The following SIGLEC8 variants were observed in gnomAD, a reference collection of about 807,000 sequenced individuals.
The protein encoded by SIGLEC8 is sialic acid-binding Ig-like lectin 8.
A neutral mutation model predicts 42.1 loss-of-function variants in SIGLEC8; 32 were observed. The ratio of observed to expected loss-of-function variants is 0.76; its 90% CI spans 0.57 to 1.02. The LOEUF (loss-of-function observed/expected upper bound fraction) is 1.02, where lower values mean the gene tolerates loss of function less well. Ranked by LOEUF, SIGLEC8 falls within the 50% of genes least tolerant of loss-of-function variation. The pLI is 0.00. For missense variants in SIGLEC8, 611 were observed against 610.2 expected, an observed-to-expected ratio of 1.00 and a Z score of -0.01; for synonymous variants, 262 against 260.3, an observed-to-expected ratio of 1.01 and a Z score of -0.06.
In SIGLEC8 at chr19:51,457,275, G is replaced by C. The variant is rs1274244390; in HGVS notation, c.734-44C>G. 3.2e-6 allele frequency: 5 copies of C among 1,584,296 alleles called. No individual in the cohort carries two copies. In the East Asian group the frequency reaches 6.7e-5, roughly 21 times the overall value. The stretch of plus-strand genomic sequence containing the variant: ...AAGACCCACATTACTATAAGGACTG[G>C]GGACATTGGCCCTGTCTTCCCAGGA... On this transcript the variant is annotated intron_variant, in intron 2 of 6. Coordinates refer to ENST00000321424, the MANE Select transcript of SIGLEC8 (RefSeq NM_014442.3).
At chr19:51,452,802 T>C (rs1989397573) in intron 6 of SIGLEC8, among the ~76,000 whole-genome samples, 169 bp from the exon 7 acceptor site, 2 of 152,200 alleles carry the variant, frequency 1.3e-5, no homozygotes, top group Admixed American at 1.3e-4. Context: ...TGAGCACCTG[T>C]TTGGTGTTTA....
chr19:51,458,063 G>A lies in SIGLEC8; in HGVS notation c.325C>T (p.Leu109=), dbSNP rs1358185389. The A allele has an allele frequency of 1.9e-6, 3 of 1,614,176 alleles. No individual in the cohort carries two copies. The Admixed American group carries it at 5.0e-5, about 27-fold the overall frequency. ...LGDIWSNDCS[L]SIRDARKRDK... ...CTCTTCCTGGCGTCTCTGATGCTCA[G>A]GGAGCAGTCGTTGCTCCAAATGTCC... Residue 109 remains leucine (L), a synonymous_variant, in exon 1 of 7, where the codon CTG becomes TTG. Transcript: ENST00000321424.
At position 51,458,317 on chromosome 19, in the gene SIGLEC8, C is replaced by A; in HGVS notation, c.71G>T (p.Gly24Val). ...TKGMEGDRQY[G>V]DGYLLQVQEL... ...CTGCACTTGCAGCAAGTAACCATCC[C>A]CATATTGTCTGTCTCCCTCCATCCC... The change falls in exon 1 of 7, where the codon GGG becomes GTG. Residue 24 changes from glycine (G) to valine (V), a missense_variant. Transcript: ENST00000321424. 2 of 1,614,124 alleles carry A rather than the reference C, an allele frequency of 1.2e-6. No homozygotes were observed. Among genetic ancestry groups the A allele is most frequent in the East Asian group, 4.5e-5 (2 of 44,882 alleles).
intron 1 of SIGLEC8, 90 bp from the exon 2 acceptor site, chr19:51,457,829 G>C: frequency 1.3e-6 from 2 of 1,547,196 alleles, no homozygotes; most frequent in Non-Finnish European, 1.8e-6. Context: ...CCTCCCCGGA[G>C]ACCGACTTAT....
At position 51,454,273 on chromosome 19, in the gene SIGLEC8, G is replaced by T; in HGVS notation, c.1191C>A (p.Gly397=). 6.2e-7 allele frequency: 1 copy of T among 1,613,966 alleles called. No homozygotes were observed. The highest frequency in any genetic ancestry group is 1.1e-5 in the South Asian group (1 of 91,070). ...CRKKSARPAA[G]VGDTGMEDAK... is the part of the protein sequence containing the mutation. Reference sequence around the variant, plus strand: ...CATCTTCCATGCCTGTATCCCCCACGCCCGCTGCTGGCCTTGCCGATTTCT... The same window carrying T: ...CATCTTCCATGCCTGTATCCCCCACTCCCGCTGCTGGCCTTGCCGATTTCT... The change falls in exon 6 of 7, where the codon GGC becomes GGA. Residue 397 remains glycine (G), a synonymous_variant. Coordinates refer to ENST00000321424, the MANE Select transcript of SIGLEC8 (RefSeq NM_014442.3). This position sits in a 1 kb window ranked among gnomAD's most constrained non-coding sequence, Gnocchi z 4.7.
Position 51,457,487 on chromosome 19 carries a change from G to A in SIGLEC8, c.707C>T (p.Thr236Ile), listed in dbSNP as rs779904630. Residue 236 changes from threonine to isoleucine, a missense_variant, in exon 2 of 7, where the codon ACC becomes ATC. Transcript: ENST00000321424. ...GGACACATCGAGGCGGACGGTACTG[G>A]TCGTGGTCACACCTGTCCCAGGCAA... ...VTLPGTGVTT[T>I]STVRLDVSYP... 11 of 1,613,696 alleles carry A rather than the reference G, an allele frequency of 6.8e-6. No individual in the cohort carries two copies. In the South Asian group the frequency reaches 9.9e-5, roughly 14 times the overall value.
Position 51,454,587 on chromosome 19 carries a change from G to A in SIGLEC8, c.1148+97C>T. 2 of 1,177,870 alleles carry A rather than the reference G, an allele frequency of 1.7e-6. No homozygotes were observed. Among genetic ancestry groups the A allele is most frequent in the Non-Finnish European group, 2.5e-6 (2 of 793,862 alleles). The allele number at this position is 1,177,870 out of a possible 1,614,324, so 73.0% of individuals were successfully genotyped here. On this transcript the variant is annotated intron_variant, in intron 5 of 6. Coordinates refer to ENST00000321424, the MANE Select transcript of SIGLEC8 (RefSeq NM_014442.3). The surrounding 1 kb of genome is among the most constrained non-coding windows in gnomAD (Gnocchi z 4.7). ...TGAGCTCATTCTTGCCCCAAGCCCT[G>A]GACCCATCCAGGTCCTTCCAGCTCT...
In SIGLEC8 at chr19:51,458,073, G is replaced by A. The variant is rs768285915; in HGVS notation, c.315C>T (p.Asn105=). The change falls in exon 1 of 7, where the codon AAC becomes AAT. Residue 105 remains asparagine, a synonymous_variant. Transcript: ENST00000321424. ...RFQLLGDIWS[N]DCSLSIRDAR... is the part of the protein sequence containing the mutation. ...CGTCTCTGATGCTCAGGGAGCAGTC[G>A]TTGCTCCAAATGTCCCCAAGGAGTT... 11 of 1,614,140 alleles carry A rather than the reference G, an allele frequency of 6.8e-6. No homozygotes were observed. The highest frequency in any genetic ancestry group is 1.7e-5 in the Admixed American group (1 of 60,020).
intron 6 of SIGLEC8, chr19:51,453,766 TGA>T: frequency 1.0e-6 from 1 of 984,444 alleles, no homozygotes; most frequent in Non-Finnish European, 1.2e-6. Flanking sequence ...CGAGAGTAAA[TGA>T]GAGAGAATTA....
In SIGLEC8 at chr19:51,457,073, G is replaced by C. The variant is rs781604918; in HGVS notation, c.781+111C>G. The C allele has an allele frequency of 9.1e-6, 9 of 991,828 alleles. No individual in the cohort carries two copies. The East Asian group carries it at 2.2e-4, about 24-fold the overall frequency. The allele number at this position is 991,828 out of a possible 1,614,324, so 61.4% of individuals were successfully genotyped here. A position where few individuals can be genotyped will look rare whatever the true frequency, so the allele number is the denominator to read the frequency against. On this transcript the variant is annotated intron_variant, in intron 3 of 6. Coordinates refer to ENST00000321424, the MANE Select transcript of SIGLEC8 (RefSeq NM_014442.3). ...GTGGGCTCTTGTGCCCTGGGCTCAC[G>C]CACAGTGGCAGCTCTGTTTCCCAAA...
At position 51,455,551 on chromosome 19, in the gene SIGLEC8, C is replaced by A; in HGVS notation, c.918G>T (p.Arg306=). The change falls in exon 4 of 7, where the codon CGG becomes CGT. Residue 306 remains arginine, a synonymous_variant. Coordinates refer to ENST00000321424, the MANE Select transcript of SIGLEC8 (RefSeq NM_014442.3). ...GCTCCAGCAGCCCAGGGTTTGAGGA[C>A]CGTGAGGGGCACAGGGTCAGGCTCC... ...TRGSLTLCPS[R]SSNPGLLELP... The A allele has an allele frequency of 1.2e-6, 2 of 1,614,118 alleles. No homozygotes were observed. Among genetic ancestry groups the A allele is most frequent in the South Asian group, 2.2e-5 (2 of 91,066 alleles).
chr19:51,451,495 A>C lies in SIGLEC8; in HGVS notation c.*884T>G, dbSNP rs1362653514. 6.6e-6 allele frequency: 1 copy of C among 152,082 alleles called. No homozygotes were observed. The highest frequency in any genetic ancestry group is 1.5e-5 in the Non-Finnish European group (1 of 68,028). The allele number at this position is 152,082 out of a possible 1,614,324, so 9.4% of individuals were successfully genotyped here. The stretch of plus-strand genomic sequence containing the variant: ...AAAAGTCAATGCCCTCAAGGAATTT[A>C]TTTCCTGAAAACTTATGGCTAAGGG... On this transcript the variant is annotated 3_prime_UTR_variant, in exon 7 of 7. Transcript: ENST00000321424.
intron 3 of SIGLEC8, among the ~76,000 whole-genome samples, chr19:51,456,436 T>C (rs1271803112): frequency 6.6e-6 from 1 of 152,196 alleles, no homozygotes; most frequent in Non-Finnish European, 1.5e-5. Flanking sequence ...CATACGACAC[T>C]GGTATATTTT....
Position 51,452,152 on chromosome 19 carries a change from CAG to C in SIGLEC8, c.*225_*226del. 1 of 401,290 alleles carries C rather than the reference CAG, an allele frequency of 2.5e-6. No individual in the cohort carries two copies. The highest frequency in any genetic ancestry group is 4.4e-6 in the Non-Finnish European group (1 of 226,268). 24.9% of individuals were successfully genotyped at this position (401,290 alleles called of 1,614,324 possible). On this transcript the variant is annotated 3_prime_UTR_variant, in exon 7 of 7. Transcript: ENST00000321424. ...TTTTTTGTGTAAAATGAGCCACACA[CAG>C]AGAGGCAAGTACCACATGACCTCAT...
In SIGLEC8 at chr19:51,454,362, G is replaced by A. The variant is rs768844719; in HGVS notation, c.1149-47C>T. ...CCTTTCAGTGTGGTCAGATCGGGGT[G>A]CAGTGGGCAGACCAACCCCTGCCCT... On this transcript the variant is annotated intron_variant, in intron 5 of 6. Coordinates refer to ENST00000321424, the MANE Select transcript of SIGLEC8 (RefSeq NM_014442.3). This position sits in a 1 kb window ranked among gnomAD's most constrained non-coding sequence, Gnocchi z 4.7. The A allele has an allele frequency of 6.2e-7, 1 of 1,612,066 alleles. No individual in the cohort carries two copies. The highest frequency in any genetic ancestry group is 2.2e-5 in the East Asian group (1 of 44,874).
rs756475121 is a variant in SIGLEC8, at chr19:51,452,533, GT to G, written c.1345del (p.Thr449ProfsTer7). 33 of 1,598,834 alleles carry G rather than the reference GT, an allele frequency of 2.1e-5. No individual in the cohort carries two copies. The highest frequency in any genetic ancestry group is 2.7e-5 in the Non-Finnish European group (32 of 1,167,272). On this transcript the variant is annotated frameshift_variant, in exon 7 of 7. Transcript: ENST00000321424. LOFTEE classifies it low-confidence loss of function (END_TRUNC). ...AGGCTTCACTTTATGGAAGCTGAGG[GT>G]TGCATAATGGAGCTCTCCTTCCTCC... ...SGEEGELHYATLSFHKVKPQD... is the reference protein window; with the variant it reads ...SGEEGELHYAXLSFHKVKPQD...
In SIGLEC8 at chr19:51,451,874, T is replaced by C. The variant is rs898848842; in HGVS notation, c.*505A>G. ...GTTTGAGACTAGCCTGGCCCACTTA[T>C]AGTGAAACCCCGTCTCTACTAAAAA... On this transcript the variant is annotated 3_prime_UTR_variant, in exon 7 of 7. Coordinates refer to ENST00000321424, the MANE Select transcript of SIGLEC8 (RefSeq NM_014442.3). 2.0e-5 allele frequency: 3 copies of C among 152,232 alleles called. No homozygotes were observed. Among genetic ancestry groups the C allele is most frequent in the Non-Finnish European group, 2.9e-5 (2 of 68,080 alleles). The allele number at this position is 152,232 out of a possible 1,614,324, so 9.4% of individuals were successfully genotyped here. A position where few individuals can be genotyped will look rare whatever the true frequency, so the allele number is the denominator to read the frequency against.
Position 51,452,451 on chromosome 19 carries a change from G to A in SIGLEC8, c.1428C>T (p.His476=), listed in dbSNP as rs781186308. ...CCTGAGTCTCTGCAGTTTCTCGCTT[G>A]TGGATCTTGATCTCCGAGTATTCAC... ...TDSEYSEIKI[H]KRETAETQAC... The change falls in exon 7 of 7, where the codon CAC becomes CAT. Residue 476 remains histidine, a synonymous_variant. Coordinates refer to ENST00000321424, the MANE Select transcript of SIGLEC8 (RefSeq NM_014442.3). The A allele has an allele frequency of 1.4e-5, 22 of 1,612,928 alleles. No homozygotes were observed. The highest frequency in any genetic ancestry group is 2.2e-5 in the East Asian group (1 of 44,860).
At chr19:51,453,798 T>C (rs953423179) in intron 6 of SIGLEC8, 3 of 985,120 alleles carry the variant, frequency 3.0e-6, no homozygotes, top group Non-Finnish European at 2.4e-6. Flanking sequence ...AATTGAGACA[T>C]GATACCTGAC....
Sources: gnomAD v4.1 joint callset for allele counts (sites outside exome capture counted in the v4.1 genomes callset) on GRCh38, gnomAD v4.1.1 for gene constraint, Gnocchi (gnomAD v3.1) non-coding constraint, MANE v1.5 for transcripts, NCBI Gene and HGNC (gene_info 2026-07-23, HGNC 2026-07-21) for gene names.